ZFPM2: variants seen among roughly 807,000 people sequenced by gnomAD.
The protein encoded by ZFPM2 is zinc finger protein, FOG family member 2, also known as zinc finger protein ZFPM2.
ZFPM2 carries 20 observed loss-of-function variants against 98.6 expected under a neutral mutation model. The ratio of observed to expected loss-of-function variants is 0.20; its 90% CI spans 0.14 to 0.29. The LOEUF (loss-of-function observed/expected upper bound fraction) is 0.29. Among genes scored for constraint, ZFPM2 ranks in the 10% least tolerant of loss-of-function variants. The pLI is 1.00. For synonymous variants in ZFPM2, 518 were observed against 502.7 expected (o/e 1.03, Z -0.41); for missense variants, 1,310 against 1,388.6 (o/e 0.94, Z 0.90).
At chr8:105,605,170 A>G (rs1816171947) in intron 4 of ZFPM2, among the ~76,000 whole-genome samples, 1 of 152,086 alleles carries the variant, frequency 6.6e-6, no homozygotes. Flanking sequence ...TATTAATGCC[A>G]CCAAAAGACA....
At chr8:105,770,570 T>C (rs1295029800) in intron 5 of ZFPM2, among the ~76,000 whole-genome samples, 1 of 152,088 alleles carries the variant, frequency 6.6e-6, no homozygotes, top group Non-Finnish European at 1.5e-5. Flanking sequence ...TAAACAATAT[T>C]GCACAATAAT....
intron 5 of ZFPM2, among the ~76,000 whole-genome samples, chr8:105,719,530 C>G (rs953896850): frequency 1.6e-4 from 24 of 151,860 alleles, no homozygotes; most frequent in Non-Finnish European, 2.7e-4. Flanking sequence ...TAATTTGTCA[C>G]CTGGAACATA....
intron 4 of ZFPM2, among the ~76,000 whole-genome samples, chr8:105,579,370 C>A (rs1404964117): frequency 6.6e-6 from 1 of 152,142 alleles, no homozygotes; most frequent in East Asian, 1.9e-4. Flanking sequence ...CTGTTCAGAT[C>A]TCCAAATTTC....
chr8:105,616,184 C>G (rs1816410257), intron 4 of ZFPM2, among the ~76,000 whole-genome samples: 1 of 151,826 alleles, frequency 6.6e-6, no homozygotes, highest in Non-Finnish European at 1.5e-5. Context: ...TTCCCAAATG[C>G]CCTACAAGCA....
chr8:105,697,788 CAT>C (rs1156273066), intron 5 of ZFPM2, among the ~76,000 whole-genome samples: 1 of 152,130 alleles, frequency 6.6e-6, no homozygotes, highest in African/African-American at 2.4e-5. Context: ...GTATTTTTAA[CAT>C]AGCTAAATAT....
intron 5 of ZFPM2, among the ~76,000 whole-genome samples, chr8:105,635,184 T>C (rs971040359): frequency 1.2e-4 from 18 of 152,226 alleles, no homozygotes; most frequent in African/African-American, 4.1e-4. Context: ...CTTGGCTTTC[T>C]TTTTAAACCA....
chr8:105,584,841 A>G (rs1229835071), intron 4 of ZFPM2, among the ~76,000 whole-genome samples: 2 of 152,196 alleles, frequency 1.3e-5, no homozygotes, highest in Admixed American at 6.5e-5. Context: ...ACCACTTTAG[A>G]TAATAGAACT....
At chr8:105,354,687 C>T (rs891867637) in intron 1 of ZFPM2, among the ~76,000 whole-genome samples, 7 of 152,098 alleles carry the variant, frequency 4.6e-5, no homozygotes, top group African/African-American at 7.2e-5. Context: ...TGAGAAGCAA[C>T]GCAATTTTGA....
chr8:105,652,140 G>A, intron 5 of ZFPM2, among the ~76,000 whole-genome samples: 1 of 151,394 alleles, frequency 6.6e-6, no homozygotes, highest in Admixed American at 6.6e-5. Flanking sequence ...TTACTGGGTG[G>A]TTCTTTTTGG....
Position 105,318,899 on chromosome 8 carries a change from C to G in ZFPM2, c.-43C>G. On this transcript the variant is annotated 5_prime_UTR_variant, in exon 1 of 8. Coordinates refer to ENST00000407775, the MANE Select transcript of ZFPM2 (RefSeq NM_012082.4). ...GAGCCGAGGGAGCGGCAGCCGCGAC[C>G]GCGGGCACCGCGGGAGCCCCAGCGG... The G allele has an allele frequency of 7.7e-7, 1 of 1,293,480 alleles. No homozygotes were observed. Among genetic ancestry groups the G allele is most frequent in the Non-Finnish European group, 1.0e-6 (1 of 995,414 alleles). The allele number at this position is 1,293,480 out of a possible 1,614,324, so 80.1% of individuals were successfully genotyped here. A position where few individuals can be genotyped will look rare whatever the true frequency, so the allele number is the denominator to read the frequency against.
At chr8:105,554,642 G>A (rs910922429) in intron 3 of ZFPM2, among the ~76,000 whole-genome samples, 1 of 152,130 alleles carries the variant, frequency 6.6e-6, no homozygotes, top group African/African-American at 2.4e-5. Flanking sequence ...TTAAAACCAA[G>A]TTCAAACCAA....
intron 5 of ZFPM2, among the ~76,000 whole-genome samples, chr8:105,774,630 G>T (rs1332806141): frequency 1.3e-5 from 2 of 152,034 alleles, no homozygotes; most frequent in Non-Finnish European, 2.9e-5. Context: ...AAATAAGTAG[G>T]ATATTTTGTA....
intron 3 of ZFPM2, among the ~76,000 whole-genome samples, chr8:105,560,672 T>A (rs1214372167): frequency 2.0e-5 from 3 of 152,062 alleles, no homozygotes; most frequent in Non-Finnish European, 2.9e-5. Flanking sequence ...ATTCTTACTT[T>A]ATGCAAGTGT....
Position 105,424,054 on chromosome 8 carries a change from T to C in ZFPM2, c.199+4752T>C, listed in dbSNP as rs78570155. Among the ~76,000 whole-genome samples, 507 of 152,266 alleles carry C rather than the reference T, an allele frequency of 3.3e-3. 2 individuals carry two copies. Among genetic ancestry groups the C allele is most frequent in the African/African-American group, 0.012 (489 of 41,540 alleles). ...ACTACACACTGGGAACAGTGTACGC[T>C]GCTCAAGTGATGGGTGCACCAAAAT... On this transcript the variant is annotated intron_variant, in intron 2 of 7. Transcript: ENST00000407775.
intron 3 of ZFPM2, among the ~76,000 whole-genome samples, chr8:105,527,173 C>CT (rs1295634260): frequency 6.6e-6 from 1 of 152,112 alleles, no homozygotes; most frequent in East Asian, 1.9e-4. Flanking sequence ...TATGGGTGTT[C>CT]TTAGGGACGA....
intron 6 of ZFPM2, 83 bp downstream of exon 6, chr8:105,789,007 G>C (rs1238251641): frequency 3.0e-5 from 34 of 1,124,872 alleles, no homozygotes; most frequent in Middle Eastern, 4.1e-4. Context: ...CAAGAAACCA[G>C]GAACAGACCT....
intron 5 of ZFPM2, among the ~76,000 whole-genome samples, chr8:105,638,876 T>A (rs1005978323): frequency 2.0e-5 from 3 of 152,104 alleles, no homozygotes; most frequent in Non-Finnish European, 2.9e-5. Context: ...TAAAAATTTT[T>A]AAAAGTATAG....
chr8:105,599,480 G>T (rs1335527085), intron 4 of ZFPM2, among the ~76,000 whole-genome samples: 2 of 151,558 alleles, frequency 1.3e-5, no homozygotes, highest in Non-Finnish European at 2.9e-5. Context: ...GATATCATTA[G>T]CTCGTTGTGT....
chr8:105,521,625 T>C (rs967705264), intron 3 of ZFPM2, among the ~76,000 whole-genome samples: 7 of 152,220 alleles, frequency 4.6e-5, no homozygotes, highest in Admixed American at 1.3e-4. Context: ...TTGCCTAGAC[T>C]GGACTGCAGT....
Sources: allele counts gnomAD v4.1 joint callset (sites outside exome capture counted in the v4.1 genomes callset), GRCh38; gene constraint gnomAD v4.1.1; transcripts MANE v1.5; gene names NCBI Gene and HGNC (gene_info 2026-07-23, HGNC 2026-07-21).